The following DISP1 variants were observed in gnomAD, a reference collection of about 807,000 sequenced individuals.
DISP1 encodes protein dispatched homolog 1.
DISP1 carries 30 observed loss-of-function variants against 37.3 expected under a neutral mutation model. The observed-to-expected ratio is 0.80, with a 90% CI of 0.60 to 1.09. The LOEUF is 1.09. DISP1 is among the 50% of genes least tolerant of loss of function. The pLI is 0.00. For synonymous variants in DISP1, 634 were observed against 690.2 expected, an observed-to-expected ratio of 0.92 and a Z score of 1.28; for missense variants, 1,598 against 1,879.5, an observed-to-expected ratio of 0.85 and a Z score of 2.77.
intron 1 of DISP1, among the ~76,000 whole-genome samples, chr1:222,823,295 A>G (rs1478107507): frequency 6.6e-6 from 1 of 152,168 alleles, no homozygotes; most frequent in Non-Finnish European, 1.5e-5. Context: ...TCCATCATGG[A>G]TGACTAGATA....
chr1:222,836,079 G>C (rs1666949138), intron 1 of DISP1, among the ~76,000 whole-genome samples: 1 of 152,128 alleles, frequency 6.6e-6, no homozygotes, highest in South Asian at 2.1e-4. Flanking sequence ...TTTGAGATAG[G>C]AGGAATAAGT....
intron 4 of DISP1, among the ~76,000 whole-genome samples, chr1:222,987,246 A>G (rs1260987226): frequency 6.6e-6 from 1 of 152,186 alleles, no homozygotes; most frequent in East Asian, 1.9e-4. Context: ...ATATATTTGC[A>G]TAGATAGCAG....
intron 1 of DISP1, among the ~76,000 whole-genome samples, chr1:222,915,789 T>A (rs561122154): frequency 6.6e-6 from 1 of 152,328 alleles, no homozygotes; most frequent in Non-Finnish European, 1.5e-5. Context: ...ACAGGTTATC[T>A]TGTTGCTAAC....
chr1:222,917,446 G>A (rs1300929593), intron 1 of DISP1, among the ~76,000 whole-genome samples: 1 of 152,188 alleles, frequency 6.6e-6, no homozygotes, highest in Non-Finnish European at 1.5e-5. Flanking sequence ...AGACGAACAA[G>A]AAACCCCTTT....
Position 222,994,287 on chromosome 1 carries a change from T to C in DISP1, c.890-598T>C, listed in dbSNP as rs116226648. On this transcript the variant is annotated intron_variant, in intron 7 of 8. Transcript: ENST00000675850. ...TAAAGACCATGCATGCTCTTTCTGG[T>C]ATATCATACAACCTCCCTTATTCAG... Among the ~76,000 whole-genome samples the C allele has an allele frequency of 8.0e-3, 1,226 of 152,320 alleles. 21 individuals are homozygous for C. Among genetic ancestry groups the C allele is most frequent in the African/African-American group, 0.028 (1,159 of 41,572 alleles).
chr1:222,991,590 G>T lies in DISP1; in HGVS notation c.734G>T (p.Gly245Val). The T allele has an allele frequency of 6.2e-7, 1 of 1,613,766 alleles. No homozygotes were observed. Among genetic ancestry groups the T allele is most frequent in the South Asian group, 1.1e-5 (1 of 91,072 alleles). Residue 245 changes from glycine (G) to valine (V), a missense_variant, in exon 6 of 9, where the codon GGA (glycine) becomes GTA (valine). Gly to Val is a moderately radical substitution (Grantham distance 109, BLOSUM62 -3). Coordinates refer to ENST00000675850, the MANE Select transcript of DISP1 (RefSeq NM_001377229.1). ...VTWNNMVKNT[G>V]YKATLANYPF... ...TGGAATAATATGGTGAAAAATACAG[G>T]ATACAAAGCAACATTAGCAAATTAT...
chr1:222,821,602 G>A (rs1196200562), intron 1 of DISP1, among the ~76,000 whole-genome samples: 1 of 152,136 alleles, frequency 6.6e-6, no homozygotes, highest in African/African-American at 2.4e-5. Flanking sequence ...TCGGCCAGGT[G>A]CAGTGGCTCA....
intron 2 of DISP1, among the ~76,000 whole-genome samples, chr1:222,941,877 T>C (rs1368729272): frequency 6.6e-6 from 1 of 152,076 alleles, no homozygotes; most frequent in Non-Finnish European, 1.5e-5. Context: ...TGTTGGCTTT[T>C]ATGTATATGT....
intron 3 of DISP1, among the ~76,000 whole-genome samples, chr1:222,974,386 C>T (rs2102655995): frequency 6.6e-6 from 1 of 152,302 alleles, no homozygotes; most frequent in East Asian, 1.9e-4. Flanking sequence ...TTTCTAAGTT[C>T]ACTGTTCTCT....
chr1:222,847,768 G>A (rs1667996668), intron 1 of DISP1, among the ~76,000 whole-genome samples: 1 of 152,118 alleles, frequency 6.6e-6, no homozygotes, highest in Non-Finnish European at 1.5e-5. Flanking sequence ...AGGGAAGGGA[G>A]AAGGAAGAAA....
At chr1:222,949,363 C>T (rs1675042086) in intron 3 of DISP1, among the ~76,000 whole-genome samples, 1 of 151,244 alleles carries the variant, frequency 6.6e-6, no homozygotes, top group African/African-American at 2.4e-5. Flanking sequence ...CACTGCACTC[C>T]AGCCTGAGCG....
At chr1:222,990,877 G>T in intron 5 of DISP1, 129 bp downstream of exon 5, 2 of 1,271,918 alleles carry the variant, frequency 1.6e-6, no homozygotes, top group Non-Finnish European at 2.2e-6. Flanking sequence ...TTCTCTTTCT[G>T]AAAAGTAAAG....
Position 222,990,531 on chromosome 1 carries a change from C to A in DISP1, c.540-94C>A, listed in dbSNP as rs1411041715. 3.8e-6 allele frequency: 6 copies of A among 1,599,812 alleles called. No individual in the cohort carries two copies. The Admixed American group carries it at 8.4e-5, about 22-fold the overall frequency. ...ATTTAATAAATTGCTGTCTTAGGTA[C>A]CAAAAATATTTCTGCGAAGGGCCTT... On this transcript the variant is annotated intron_variant, in intron 4 of 8. Transcript: ENST00000675850.
At chr1:222,888,576 G>A (rs1670771114) in intron 1 of DISP1, among the ~76,000 whole-genome samples, 1 of 152,144 alleles carries the variant, frequency 6.6e-6, no homozygotes, top group African/African-American at 2.4e-5. Flanking sequence ...AGTAATGGGA[G>A]AAGCTGTATT....
chr1:222,865,494 A>G (rs1669133480), intron 1 of DISP1, among the ~76,000 whole-genome samples: 1 of 152,204 alleles, frequency 6.6e-6, no homozygotes, highest in African/African-American at 2.4e-5. Flanking sequence ...AAGCACTTCC[A>G]TCTTAAAAGC....
At chr1:222,855,332 T>C (rs1160931513) in intron 1 of DISP1, among the ~76,000 whole-genome samples, 1 of 152,220 alleles carries the variant, frequency 6.6e-6, no homozygotes, top group Non-Finnish European at 1.5e-5. Context: ...AGTTAAGATC[T>C]GTTAGAAAAG....
chr1:223,000,992 T>A (rs991245235), intron 8 of DISP1, among the ~76,000 whole-genome samples: 1 of 152,188 alleles, frequency 6.6e-6, no homozygotes, highest in Non-Finnish European at 1.5e-5. Context: ...TCATCTTTAG[T>A]TCTGGTTCTC....
intron 1 of DISP1, among the ~76,000 whole-genome samples, chr1:222,848,342 C>G (rs565534246): frequency 6.6e-6 from 1 of 151,824 alleles, no homozygotes; most frequent in African/African-American, 2.4e-5. Flanking sequence ...ATGGTCAACA[C>G]GTATTAGCGA....
At chr1:222,825,961 G>A (rs535291680) in intron 1 of DISP1, among the ~76,000 whole-genome samples, 2 of 152,330 alleles carry the variant, frequency 1.3e-5, no homozygotes, top group Admixed American at 6.5e-5. Flanking sequence ...GAGTGCAGTG[G>A]TGAGATCATA....
Sources: gnomAD v4.1 joint callset for allele counts (sites outside exome capture counted in the v4.1 genomes callset) on GRCh38, gnomAD v4.1.1 for gene constraint, MANE v1.5 for transcripts, NCBI Gene and HGNC (gene_info 2026-07-23, HGNC 2026-07-21) for gene names.